Variants in UNC13C observed in about 807,000 individuals in gnomAD.
The protein encoded by UNC13C is unc-13 homolog C, also known as protein unc-13 homolog C.
Under a neutral mutation model 245.4 loss-of-function variants are expected in UNC13C, and 174 were observed. That is an observed-to-expected ratio of 0.71 (90% CI 0.63 to 0.80). The LOEUF (loss-of-function observed/expected upper bound fraction) is 0.80. UNC13C is among the 30% of genes least tolerant of loss of function. The pLI is 0.00. For missense variants in UNC13C, 2,829 were observed against 2,602.9 expected, an observed-to-expected ratio of 1.09 and a Z score of -1.89; for synonymous variants, 992 against 895.1, an observed-to-expected ratio of 1.11 and a Z score of -1.93.
intron 19 of UNC13C, among the ~76,000 whole-genome samples, chr15:54,484,089 A>G (rs1893277406): frequency 6.6e-6 from 1 of 151,836 alleles, no homozygotes; most frequent in Admixed American, 6.6e-5. Flanking sequence ...CCTGAAAAAA[A>G]AAAACCAGCA....
At chr15:54,359,281 C>CT (rs1346017902) in intron 17 of UNC13C, among the ~76,000 whole-genome samples, 1 of 151,708 alleles carries the variant, frequency 6.6e-6, no homozygotes, top group Non-Finnish European at 1.5e-5. Context: ...CTATAGTTTT[C>CT]TTTTTTTGTT....
chr15:54,232,882 C>G (rs1299398566), intron 4 of UNC13C, among the ~76,000 whole-genome samples: 1 of 151,974 alleles, frequency 6.6e-6, no homozygotes, highest in Non-Finnish European at 1.5e-5. Flanking sequence ...TTCTAGATAC[C>G]CATTCACTTA....
intron 4 of UNC13C, among the ~76,000 whole-genome samples, chr15:54,146,418 A>G (rs1473265684): frequency 6.6e-6 from 1 of 152,174 alleles, no homozygotes; most frequent in South Asian, 2.1e-4. Flanking sequence ...AATAAACTAT[A>G]TACACTGAAA....
intron 12 of UNC13C, among the ~76,000 whole-genome samples, chr15:54,299,321 T>A (rs989219766): frequency 1.3e-5 from 2 of 152,182 alleles, no homozygotes; most frequent in Non-Finnish European, 2.9e-5. Flanking sequence ...AGTAGTAATT[T>A]TATTTCGTTA....
At chr15:54,024,909 C>T (rs752954013) in intron 2 of UNC13C, among the ~76,000 whole-genome samples, 1 of 149,578 alleles carries the variant, frequency 6.7e-6, no homozygotes, top group Non-Finnish European at 1.5e-5. Flanking sequence ...AGAGAAACTC[C>T]GTCTCAAAAA....
At position 54,624,179 on chromosome 15, in the gene UNC13C, G is replaced by A. The variant is rs974862936; in HGVS notation, c.6359+225G>A. On this transcript the variant is annotated intron_variant, in intron 32 of 32. Transcript: ENST00000260323. ...GGTGTCTGAATCAATCTTTTGCAGT[G>A]CACTCATATAAGTTACTTTCTACAG... Among the ~76,000 whole-genome samples the A allele has an allele frequency of 2.0e-5, 3 of 151,946 alleles. No individual in the cohort carries two copies. The South Asian group carries it at 6.2e-4, about 31-fold the overall frequency.
At chr15:53,994,280 CT>C (rs2140964547) in intron 1 of UNC13C, among the ~76,000 whole-genome samples, 1 of 151,702 alleles carries the variant, frequency 6.6e-6, no homozygotes, top group East Asian at 1.9e-4. Context: ...CGTACTCTAT[CT>C]TTGCAGAAAA....
chr15:53,884,940 T>C, the UNC13C span, among the ~76,000 whole-genome samples: 4 of 152,200 alleles, frequency 2.6e-5, no homozygotes, highest in Non-Finnish European at 4.4e-5. Flanking sequence ...GAAGGAAGAC[T>C]AGGTGAAATC....
At chr15:54,413,682 G>A (rs1204768971) in intron 18 of UNC13C, among the ~76,000 whole-genome samples, 1 of 152,142 alleles carries the variant, frequency 6.6e-6, no homozygotes, top group Non-Finnish European at 1.5e-5. Flanking sequence ...GGAAACTGAT[G>A]CAACACACTC....
chr15:53,878,412 TAGAG>T, the UNC13C span, among the ~76,000 whole-genome samples: 5 of 152,200 alleles, frequency 3.3e-5, no homozygotes, highest in Non-Finnish European at 5.9e-5. Context: ...GATTTTGAAA[TAGAG>T]AGTCAGGAAT....
intron 19 of UNC13C, among the ~76,000 whole-genome samples, chr15:54,428,949 C>G (rs908222199): frequency 5.2e-4 from 79 of 151,792 alleles, no homozygotes; most frequent in African/African-American, 1.9e-3. Flanking sequence ...TCTCTTCCCC[C>G]CAGCCCCCAA....
chr15:54,133,742 C>T (rs944581890), intron 2 of UNC13C, among the ~76,000 whole-genome samples: 5 of 152,076 alleles, frequency 3.3e-5, no homozygotes, highest in Admixed American at 2.6e-4. Context: ...CGAACAAAGA[C>T]TGTGTGTATA....
chr15:54,192,921 A>C (rs919123105), intron 4 of UNC13C, among the ~76,000 whole-genome samples: 5 of 147,462 alleles, frequency 3.4e-5, no homozygotes, highest in East Asian at 2.1e-4. Context: ...CACACACACA[A>C]ACACAAACAA....
At chr15:54,597,165 G>A (rs1007434292) in intron 30 of UNC13C, among the ~76,000 whole-genome samples, 3 of 152,148 alleles carry the variant, frequency 2.0e-5, no homozygotes, top group Non-Finnish European at 4.4e-5. Flanking sequence ...AATGCTGGCT[G>A]TTGTGACAGG....
chr15:54,187,678 A>C (rs962727011), intron 4 of UNC13C, among the ~76,000 whole-genome samples: 2 of 152,112 alleles, frequency 1.3e-5, no homozygotes, highest in African/African-American at 4.8e-5. Flanking sequence ...TTCTATAAAA[A>C]TTTCTTCTGG....
At chr15:54,343,550 A>C (rs150982086) in intron 17 of UNC13C, among the ~76,000 whole-genome samples, 2 of 152,214 alleles carry the variant, frequency 1.3e-5, no homozygotes, top group Non-Finnish European at 2.9e-5. Flanking sequence ...AATTTCCATG[A>C]ATCAGCCATC....
Position 54,546,800 on chromosome 15 carries a change from C to T in UNC13C, c.5775C>T (p.Asn1925=). 1.3e-6 allele frequency: 2 copies of T among 1,573,584 alleles called. No individual in the cohort carries two copies. The highest frequency in any genetic ancestry group is 1.7e-6 in the Non-Finnish European group (2 of 1,158,418). ...VLKELWKLVL[N]KIEKQIVLPP... is the part of the protein sequence containing the mutation. ...AAGAGTTATGGAAGCTAGTTCTCAA[C>T]AAAATAGAAAAACAAATTGTTCTTC... The change falls in exon 27 of 33, where the codon AAC becomes AAT. Residue 1925 remains asparagine (N), a synonymous_variant. Transcript: ENST00000260323.
the UNC13C span, among the ~76,000 whole-genome samples, chr15:53,906,217 T>C: frequency 6.6e-6 from 1 of 152,068 alleles, no homozygotes; most frequent in Non-Finnish European, 1.5e-5. Flanking sequence ...TCCCAGCTAC[T>C]AGGGAGGCTG....
chr15:54,142,913 T>C, intron 2 of UNC13C, 105 bp from the exon 3 acceptor site: 1 of 1,002,914 alleles, frequency 1.0e-6, no homozygotes, highest in Non-Finnish European at 1.5e-6. Flanking sequence ...TTTATAATTT[T>C]AAACAATGTA....
Sources: gnomAD v4.1 joint callset for allele counts (sites outside exome capture counted in the v4.1 genomes callset) on GRCh38, gnomAD v4.1.1 for gene constraint, MANE v1.5 for transcripts, NCBI Gene and HGNC (gene_info 2026-07-23, HGNC 2026-07-21) for gene names.